Variants in VPS8 observed in about 807,000 individuals in gnomAD.
VPS8 encodes the protein vacuolar protein sorting-associated protein 8 homolog.
A neutral mutation model predicts 216.4 loss-of-function variants in VPS8; 129 were observed. The ratio of observed to expected loss-of-function variants is 0.60; its 90% CI spans 0.52 to 0.69. The LOEUF is 0.69. Ranked by LOEUF, VPS8 falls within the 30% of genes least tolerant of loss-of-function variation. VPS8 has a pLI of 0.00. For missense variants in VPS8, 1,531 were observed against 1,683.5 expected, an observed-to-expected ratio of 0.91 and a Z score of 1.59; for synonymous variants, 571 against 565.4, an observed-to-expected ratio of 1.01 and a Z score of -0.14.
intron 25 of VPS8, among the ~76,000 whole-genome samples, chr3:184,912,209 G>A (rs928688494): frequency 6.6e-6 from 1 of 152,196 alleles, no homozygotes; most frequent in Non-Finnish European, 1.5e-5. Context: ...CTGAATAAAA[G>A]ACTCTTAATT....
chr3:184,892,610 AATTTT>A (rs1246446690), intron 22 of VPS8, among the ~76,000 whole-genome samples: 1 of 152,220 alleles, frequency 6.6e-6, no homozygotes, highest in African/African-American at 2.4e-5. Context: ...ATATAAAAAA[AATTTT>A]ATTTTAAGGT....
chr3:184,964,032 CCTAA>C (rs1370480554), intron 37 of VPS8, among the ~76,000 whole-genome samples: 13 of 151,908 alleles, frequency 8.6e-5, no homozygotes, highest in Admixed American at 2.6e-4. Flanking sequence ...TTCTCCCTAG[CCTAA>C]CTGATACTTC....
chr3:184,927,706 A>T (rs1739915897), intron 31 of VPS8, among the ~76,000 whole-genome samples: 1 of 152,126 alleles, frequency 6.6e-6, no homozygotes. Flanking sequence ...AAACTGAACT[A>T]CCATACCAAT....
At chr3:184,848,338 C>T (rs1723535264) in intron 8 of VPS8, among the ~76,000 whole-genome samples, 1 of 152,120 alleles carries the variant, frequency 6.6e-6, no homozygotes, top group African/African-American at 2.4e-5. Context: ...ATGTAAATTT[C>T]AGCCAAATTC....
chr3:184,844,810 T>A (rs1722826925), intron 8 of VPS8, among the ~76,000 whole-genome samples: 1 of 152,262 alleles, frequency 6.6e-6, no homozygotes, highest in Non-Finnish European at 1.5e-5. Flanking sequence ...GTGTTGTTTG[T>A]GATATTTGGC....
chr3:184,823,774 C>T (rs756937312), intron 1 of VPS8, among the ~76,000 whole-genome samples: 1 of 152,120 alleles, frequency 6.6e-6, no homozygotes, highest in South Asian at 2.1e-4. Context: ...TATATTTTAG[C>T]TTTCTAAAAA....
At chr3:184,813,068 C>T (rs1032080535) in intron 1 of VPS8, among the ~76,000 whole-genome samples, 2 of 152,126 alleles carry the variant, frequency 1.3e-5, no homozygotes, top group Non-Finnish European at 2.9e-5. Context: ...AACAGCTGCT[C>T]AGAGTGTCTG....
intron 47 of VPS8, among the ~76,000 whole-genome samples, chr3:185,051,106 T>C (rs886310603): frequency 6.6e-6 from 1 of 152,200 alleles, no homozygotes; most frequent in Non-Finnish European, 1.5e-5. Context: ...GCCAGCTCCC[T>C]ACTTTCGCAG....
intron 1 of VPS8, 103 bp from the exon 2 acceptor site, chr3:184,824,442 G>C: frequency 1.7e-6 from 1 of 601,128 alleles, no homozygotes; most frequent in Non-Finnish European, 2.9e-6. Flanking sequence ...CGGATGTTTA[G>C]GTGAAATCTG....
At chr3:184,934,682 A>G (rs549599676) in intron 34 of VPS8, among the ~76,000 whole-genome samples, 1 of 152,164 alleles carries the variant, frequency 6.6e-6, no homozygotes, top group African/African-American at 2.4e-5. Flanking sequence ...GTTAAATTTT[A>G]TTGGTATTAA....
intron 29 of VPS8, among the ~76,000 whole-genome samples, chr3:184,921,419 A>G (rs1738578994): frequency 6.6e-6 from 1 of 152,176 alleles, no homozygotes; most frequent in African/African-American, 2.4e-5. Flanking sequence ...AGATGAAGAA[A>G]ATGTTCCCTC....
At chr3:184,977,884 C>CTTTTTTTTTTTTTTTTTT (rs55727843) in intron 40 of VPS8, among the ~76,000 whole-genome samples, 1 of 131,284 alleles carries the variant, frequency 7.6e-6, no homozygotes. Context: ...TTTCTTTTTT[C>CTTTTTTTTTTTTTTTTTT]TTTTTTTTTT....
In VPS8 at chr3:184,893,289, T is replaced by A. The variant is rs540535003; in HGVS notation, c.1782-1414T>A. 5.6e-4 allele frequency: 715 copies of A among 1,288,172 alleles called. 2 individuals carry two copies. The African/African-American group carries it at 0.01, about 19-fold the overall frequency. 79.8% of individuals were successfully genotyped at this position (1,288,172 alleles called of 1,614,324 possible). A position where few individuals can be genotyped will look rare whatever the true frequency, so the allele number is the denominator to read the frequency against. On this transcript the variant is annotated intron_variant, in intron 22 of 47. Transcript: ENST00000625842. Reference sequence around the variant, plus strand: ...TCCTTTCAGGAGCTTCCTTGATGTTTTTGTGGAACTTGTCATGAAAGACCA... The same window carrying A: ...TCCTTTCAGGAGCTTCCTTGATGTTATTGTGGAACTTGTCATGAAAGACCA...
In VPS8 at chr3:184,896,527, T is replaced by C. The variant is rs189462058; in HGVS notation, c.2004+1602T>C. Among the ~76,000 whole-genome samples the C allele has an allele frequency of 4.9e-4, 74 of 152,302 alleles. 1 individual carries two copies. In the East Asian group the frequency reaches 0.011, roughly 22 times the overall value. On this transcript the variant is annotated intron_variant, in intron 23 of 47. Transcript: ENST00000625842. ...GTCTAGGTTGCTATTTTCATTTTTT[T>C]CCCCCACTTCCTAACTCTTCAATCT...
At chr3:184,900,888 A>G (rs766438228) in intron 24 of VPS8, 33 bp from the exon 25 acceptor site, 7 of 1,552,680 alleles carry the variant, frequency 4.5e-6, no homozygotes, top group South Asian at 1.2e-5. Flanking sequence ...ATTTGAGATG[A>G]TGATGATTGT....
Position 185,048,482 on chromosome 3 carries a change from A to G in VPS8, c.4060A>G (p.Thr1354Ala). The G allele has an allele frequency of 1.9e-6, 3 of 1,613,844 alleles. No individual in the cohort carries two copies. The highest frequency in any genetic ancestry group is 2.5e-6 in the Non-Finnish European group (3 of 1,179,848). Residue 1354 changes from threonine to alanine, a missense_variant, in exon 47 of 48, where the codon ACC (threonine) becomes GCC (alanine). This residue lies in a region of VPS8 where 1,318 missense variants were observed against 1,468.4 expected (regional missense o/e 0.90). Coordinates refer to ENST00000625842, the MANE Select transcript of VPS8 (RefSeq NM_001009921.3). ...CGTATCGGTTTTTATTTTTCAGGGA[A>G]CCTCAGAACCTGTTCTGGATCCACA... Reference protein sequence around the residue: ...SKGDPTAKKGTSEPVLDPQQI... With the variant: ...SKGDPTAKKGASEPVLDPQQI...
At position 185,015,486 on chromosome 3, in the gene VPS8, A is replaced by G. The variant is rs953688723; in HGVS notation, c.4003-8850A>G. On this transcript the variant is annotated intron_variant, in intron 45 of 47. Transcript: ENST00000625842. ...AGTCAATACCTCAATTACAGCTACA[A>G]GCTCCACCTTTTGAGGTGAAGTATA... 2.6e-5 allele frequency among the ~76,000 whole-genome samples: 4 copies of G among 152,236 alleles called. No homozygotes were observed. In the East Asian group the frequency reaches 7.7e-4, roughly 29 times the overall value.
chr3:184,860,468 TACACACACACACACAC>T (rs59791657), intron 15 of VPS8, among the ~76,000 whole-genome samples: 2 of 147,212 alleles, frequency 1.4e-5, no homozygotes, highest in Non-Finnish European at 1.5e-5. Flanking sequence ...TACACACACA[TACACACACACACACAC>T]ACACACACAC....
chr3:185,036,791 TAGTGCATCTAGTAATGTTAC>T (rs1393871546), intron 46 of VPS8, among the ~76,000 whole-genome samples: 1 of 152,036 alleles, frequency 6.6e-6, no homozygotes, highest in African/African-American at 2.4e-5. Flanking sequence ...TTGTTATATA[TAGTGCATCTAGTAATGTTAC>T]AGATGCAACA....
Sources: allele counts gnomAD v4.1 joint callset (sites outside exome capture counted in the v4.1 genomes callset), GRCh38; gene constraint gnomAD v4.1.1; regional missense constraint gnomAD v4.1.1; transcripts MANE v1.5; gene names NCBI Gene and HGNC (gene_info 2026-07-23, HGNC 2026-07-21).